DOCK4: variants seen among roughly 807,000 people sequenced by gnomAD.
DOCK4 encodes dedicator of cytokinesis 4.
Under a neutral mutation model 268.1 loss-of-function variants are expected in DOCK4, and 97 were observed. The observed-to-expected ratio is 0.36, with a 90% CI of 0.31 to 0.43. The LOEUF is 0.43. DOCK4 is among the 20% of genes least tolerant of loss of function. The pLI is 1.00. For synonymous variants in DOCK4, 954 were observed against 887.2 expected (o/e 1.08, Z -1.34); for missense variants, 2,145 against 2,455.7 (o/e 0.87, Z 2.67).
At chr7:112,018,504 CTCT>C (rs1481740436) in intron 1 of DOCK4, among the ~76,000 whole-genome samples, 12 of 152,304 alleles carry the variant, frequency 7.9e-5, no homozygotes, top group Admixed American at 5.2e-4. Flanking sequence ...ATCATGCCCT[CTCT>C]TCTTCTGCTC....
chr7:112,170,934 T>C (rs1213677609), intron 1 of DOCK4, among the ~76,000 whole-genome samples: 1 of 152,178 alleles, frequency 6.6e-6, no homozygotes, highest in African/African-American at 2.4e-5. Flanking sequence ...TTGCCATACA[T>C]TTCAAATATA....
At position 111,877,065 on chromosome 7, in the gene DOCK4, G is replaced by A. The variant is rs1296227704; in HGVS notation, c.1709C>T (p.Thr570Ile). 2 of 1,570,670 alleles carry A rather than the reference G, an allele frequency of 1.3e-6. No individual in the cohort carries two copies. Among genetic ancestry groups the A allele is most frequent in the African/African-American group, 2.7e-5 (2 of 72,750 alleles). Residue 570 changes from threonine to isoleucine, a missense_variant, in exon 17 of 53, where the codon ACA (threonine) becomes ATA (isoleucine). Coordinates refer to ENST00000428084, the MANE Select transcript of DOCK4 (RefSeq NM_001363540.2). ...GAGTTTTGTGGAACAGAGAAAAGAT[G>A]TAATACAAAAGGACTCCTTTGTGGC... is the stretch of plus-strand genomic sequence containing the variant. ...MKATKESFCITSFLCSTKLTQ... is the reference protein window; with the variant it reads ...MKATKESFCIISFLCSTKLTQ...
intron 5 of DOCK4, among the ~76,000 whole-genome samples, chr7:111,993,575 T>C (rs1435535003): frequency 6.6e-6 from 1 of 152,208 alleles, no homozygotes; most frequent in South Asian, 2.1e-4. Flanking sequence ...TTAAAGAAGA[T>C]ACTGCATCAA....
chr7:111,995,413 T>TTGTGTGTGTGTG (rs71529492), intron 4 of DOCK4, among the ~76,000 whole-genome samples: 1 of 116,908 alleles, frequency 8.6e-6, no homozygotes, highest in African/African-American at 3.6e-5. Flanking sequence ...AATTCTTTCT[T>TTGTGTGTGTGTG]TGTGTGTGTG....
intron 1 of DOCK4, among the ~76,000 whole-genome samples, chr7:112,069,034 G>T (rs1563054595): frequency 6.6e-6 from 1 of 152,128 alleles, no homozygotes; most frequent in Non-Finnish European, 1.5e-5. Flanking sequence ...CTCCCTCAAA[G>T]AAGTAAATGT....
intron 7 of DOCK4, 144 bp downstream of exon 7, chr7:111,984,161 TG>T: frequency 1.5e-6 from 1 of 676,934 alleles, no homozygotes; most frequent in Non-Finnish European, 2.5e-6. Flanking sequence ...ACTGAGGGCA[TG>T]GTCACCTCAG....
At chr7:111,755,689 G>T in intron 41 of DOCK4, 88 bp from the exon 42 acceptor site, 1 of 1,203,306 alleles carries the variant, frequency 8.3e-7, no homozygotes. Flanking sequence ...ACTGTTACCA[G>T]GCTTTGCTTA....
chr7:111,855,847 A>G (rs1339849308), intron 23 of DOCK4, among the ~76,000 whole-genome samples: 1 of 152,178 alleles, frequency 6.6e-6, no homozygotes, highest in Non-Finnish European at 1.5e-5. Flanking sequence ...ATCCTAATAT[A>G]TTTCTAATAT....
chr7:111,876,392 G>C (rs538541451), intron 17 of DOCK4, among the ~76,000 whole-genome samples: 2 of 152,140 alleles, frequency 1.3e-5, no homozygotes, highest in African/African-American at 4.8e-5. Context: ...TTTAGGCACA[G>C]GTTTTTATGA....
chr7:111,879,087 G>A (rs977182583), intron 16 of DOCK4, among the ~76,000 whole-genome samples: 8 of 151,946 alleles, frequency 5.3e-5, no homozygotes, highest in African/African-American at 1.9e-4. Flanking sequence ...TCTGCTTGAG[G>A]AGAGAAGAGT....
chr7:112,073,973 A>G (rs1807836011), intron 1 of DOCK4, among the ~76,000 whole-genome samples: 1 of 152,194 alleles, frequency 6.6e-6, no homozygotes, highest in East Asian at 1.9e-4. Context: ...AATTGAATCT[A>G]TACACGAATC....
chr7:111,907,339 A>G (rs1294452397), intron 13 of DOCK4, among the ~76,000 whole-genome samples: 1 of 152,160 alleles, frequency 6.6e-6, no homozygotes, highest in Non-Finnish European at 1.5e-5. Flanking sequence ...CAACACCCAC[A>G]ATGGGCTCTC....
At chr7:111,823,620 T>G (rs1802177311) in intron 26 of DOCK4, among the ~76,000 whole-genome samples, 1 of 152,218 alleles carries the variant, frequency 6.6e-6, no homozygotes, top group Admixed American at 6.5e-5. Context: ...TGAAATGAGC[T>G]TTCCCTACTC....
chr7:112,127,467 A>G (rs1425798216), intron 1 of DOCK4, among the ~76,000 whole-genome samples: 7 of 149,478 alleles, frequency 4.7e-5, no homozygotes, highest in South Asian at 2.2e-4. Context: ...GCTAAATGAC[A>G]AGTTAATGGG....
rs118024081 is a variant in DOCK4 at position 112,111,815 on chromosome 7, T to C, written c.37+94287A>G. Among the ~76,000 whole-genome samples the C allele has an allele frequency of 8.0e-3, 1,217 of 152,276 alleles. 8 individuals are homozygous for C. The highest frequency in any genetic ancestry group is 0.012 in the Non-Finnish European group (844 of 68,018). On this transcript the variant is annotated intron_variant, in intron 1 of 52. Coordinates refer to ENST00000428084, the MANE Select transcript of DOCK4 (RefSeq NM_001363540.2). Reference sequence around the variant, plus strand: ...ATAAGTACAGACTTCTTCATTCATGTAAAAAAGAGTTGAGTAGGCTACATA... The same window carrying C: ...ATAAGTACAGACTTCTTCATTCATGCAAAAAAGAGTTGAGTAGGCTACATA...
chr7:111,763,657 G>A (rs1015752304), intron 39 of DOCK4, among the ~76,000 whole-genome samples: 2 of 151,962 alleles, frequency 1.3e-5, no homozygotes, highest in Non-Finnish European at 2.9e-5. Flanking sequence ...AGAGGGAGAC[G>A]ACCTACTGTG....
chr7:111,757,029 CAGG>C (rs1333743075), intron 41 of DOCK4, among the ~76,000 whole-genome samples: 1 of 151,806 alleles, frequency 6.6e-6, no homozygotes, highest in East Asian at 1.9e-4. Flanking sequence ...AGGAGTTTGC[CAGG>C]AGGAGAGTGG....
At chr7:112,025,972 A>G (rs188818101) in intron 1 of DOCK4, among the ~76,000 whole-genome samples, 33 of 152,304 alleles carry the variant, frequency 2.2e-4, no homozygotes, top group African/African-American at 6.5e-4. Context: ...ATGATACCCA[A>G]TGCAAGCCCC....
chr7:111,978,802 T>C lies in DOCK4; in HGVS notation c.550-1519A>G, dbSNP rs543062241. 3.3e-5 allele frequency among the ~76,000 whole-genome samples: 5 copies of C among 152,236 alleles called. 1 individual carries two copies. In the South Asian group the frequency reaches 6.2e-4, roughly 19 times the overall value. On this transcript the variant is annotated intron_variant, in intron 7 of 52. Transcript: ENST00000428084. ...AATCATTTACTTGTCATTTGTATAG[T>C]TGGACCAACAGTTCACGGTCCAGCC...
Sources: allele counts gnomAD v4.1 joint callset (sites outside exome capture counted in the v4.1 genomes callset), GRCh38; gene constraint gnomAD v4.1.1; transcripts MANE v1.5; gene names NCBI Gene and HGNC (gene_info 2026-07-23, HGNC 2026-07-21).